The following AHCTF1 variants were observed in gnomAD, a reference collection of about 807,000 sequenced individuals.
AHCTF1 encodes AT-hook containing transcription factor 1.
In AHCTF1, 24 loss-of-function variants were observed where a neutral mutation model predicts 248.4. That is an observed-to-expected ratio of 0.10 (90% CI 0.07 to 0.14). The LOEUF is 0.14. AHCTF1 is among the 10% of genes least tolerant of loss of function. The pLI, the probability that AHCTF1 is intolerant of heterozygous loss-of-function variation, is 1.00. For missense variants in AHCTF1, 2,206 were observed against 2,636.2 expected, an observed-to-expected ratio of 0.84 and a Z score of 3.57; for synonymous variants, 786 against 929.8, an observed-to-expected ratio of 0.85 and a Z score of 2.81.
intron 29 of AHCTF1, among the ~76,000 whole-genome samples, chr1:246,859,329 T>A (rs1661348714): frequency 6.6e-6 from 1 of 152,126 alleles, no homozygotes; most frequent in African/African-American, 2.4e-5. Flanking sequence ...TAGGTTCAGT[T>A]TTCTGACCCA....
intron 13 of AHCTF1, 60 bp from the exon 14 acceptor site, chr1:246,894,808 A>G: frequency 6.9e-7 from 1 of 1,445,568 alleles, no homozygotes; most frequent in Non-Finnish European, 9.6e-7. Flanking sequence ...AGAGTTCTAA[A>G]TTGTTGGTGG....
chr1:246,858,226 T>C (rs1427331957), intron 29 of AHCTF1, among the ~76,000 whole-genome samples: 1 of 152,156 alleles, frequency 6.6e-6, no homozygotes, highest in Non-Finnish European at 1.5e-5. Context: ...CCCAAAGTGC[T>C]GGGATTACAG....
chr1:246,858,254 C>T (rs997657462), intron 29 of AHCTF1, among the ~76,000 whole-genome samples: 4 of 152,070 alleles, frequency 2.6e-5, no homozygotes, highest in African/African-American at 7.2e-5. Flanking sequence ...CCACTGCACC[C>T]GGCCAACACC....
chr1:246,931,742 C>T lies in AHCTF1; in HGVS notation c.-172G>A, dbSNP rs973361850. 11 of 152,982 alleles carry T rather than the reference C, an allele frequency of 7.2e-5. No homozygotes were observed. The highest frequency in any genetic ancestry group is 2.4e-4 in the African/African-American group (10 of 41,450). 9.5% of individuals were successfully genotyped at this position (152,982 alleles called of 1,614,324 possible). A position where few individuals can be genotyped will look rare whatever the true frequency, so the allele number is the denominator to read the frequency against. On this transcript the variant is annotated 5_prime_UTR_variant, in exon 1 of 36. Transcript: ENST00000648844. ...CCGGCTGAAGCCGCTCCTCTGCGCTCCGGCCGCCGCCTGCGACCTCCCCGG... is the reference window on the plus strand; with the variant it reads ...CCGGCTGAAGCCGCTCCTCTGCGCTTCGGCCGCCGCCTGCGACCTCCCCGG...
chr1:246,931,300 C>G, intron 1 of AHCTF1: 1 of 1,547,500 alleles, frequency 6.5e-7, no homozygotes, highest in Non-Finnish European at 8.7e-7. Context: ...GCGCAGGACG[C>G]GAACCACCAG....
Position 246,903,656 on chromosome 1 carries a change from C to G in AHCTF1, c.966+293G>C, listed in dbSNP as rs866920702. 1.9e-3 allele frequency among the ~76,000 whole-genome samples: 214 copies of G among 115,156 alleles called. 15 individuals carry two copies. The highest frequency in any genetic ancestry group is 7.2e-3 in the African/African-American group (206 of 28,520). 75.5% of individuals were successfully genotyped at this position (115,156 alleles called of 152,430 possible). ...CAGCCTGGCCAAGATGGTGAGACCC[C>G]CCCCCCTCCGTCTCTGCTAAATATA... On this transcript the variant is annotated intron_variant, in intron 7 of 35. Transcript: ENST00000648844.
intron 6 of AHCTF1, 57 bp downstream of exon 6, chr1:246,905,484 G>T: frequency 7.2e-7 from 1 of 1,390,430 alleles, no homozygotes; most frequent in South Asian, 1.2e-5. Flanking sequence ...ACAACAGAGC[G>T]AGACTCTGTC....
intron 4 of AHCTF1, among the ~76,000 whole-genome samples, chr1:246,909,900 CT>C (rs1337013366): frequency 1.1e-4 from 16 of 152,176 alleles, no homozygotes; most frequent in Admixed American, 2.0e-4. Context: ...TCAAAAATGT[CT>C]TCTAACATTG....
At chr1:246,921,173 G>A (rs955578772) in intron 1 of AHCTF1, among the ~76,000 whole-genome samples, 4 of 151,982 alleles carry the variant, frequency 2.6e-5, no homozygotes, top group African/African-American at 4.8e-5. Flanking sequence ...AAAAAGACAC[G>A]CAGAACTAAG....
chr1:246,880,957 G>A (rs564800869), intron 21 of AHCTF1, among the ~76,000 whole-genome samples: 5 of 152,264 alleles, frequency 3.3e-5, no homozygotes, highest in Admixed American at 2.6e-4. Flanking sequence ...GGAATGCATG[G>A]GGGTTCTTGG....
intron 13 of AHCTF1, 103 bp downstream of exon 13, chr1:246,895,732 C>G: frequency 2.1e-6 from 2 of 967,040 alleles, no homozygotes; most frequent in Non-Finnish European, 3.1e-6. Context: ...GCATGTGGAT[C>G]TTCAATTATA....
chr1:246,920,781 A>G (rs1196836664), intron 1 of AHCTF1, among the ~76,000 whole-genome samples: 1 of 151,352 alleles, frequency 6.6e-6, no homozygotes, highest in Non-Finnish European at 1.5e-5. Flanking sequence ...AAAAAAAAAA[A>G]AAAATTATTA....
At chr1:246,859,174 T>C (rs1661336938) in intron 29 of AHCTF1, among the ~76,000 whole-genome samples, 2 of 152,218 alleles carry the variant, frequency 1.3e-5, no homozygotes, top group Non-Finnish European at 2.9e-5. Flanking sequence ...AGTAAAGATA[T>C]CGTAGTCCAA....
intron 27 of AHCTF1, among the ~76,000 whole-genome samples, chr1:246,862,381 G>A (rs1315750487): frequency 6.6e-6 from 1 of 152,016 alleles, no homozygotes; most frequent in Non-Finnish European, 1.5e-5. Flanking sequence ...TTGGGAGGCT[G>A]AGGCAGGAGA....
intron 13 of AHCTF1, 139 bp downstream of exon 13, chr1:246,895,696 G>GATC: frequency 1.5e-6 from 1 of 661,928 alleles, no homozygotes; most frequent in Non-Finnish European, 2.5e-6. Context: ...AAGGGGGTGG[G>GATC]ATCTCTCTAT....
Position 246,888,233 on chromosome 1 carries a change from C to T in AHCTF1, c.2269G>A (p.Ala757Thr). 6.2e-7 allele frequency: 1 copy of T among 1,613,988 alleles called. No individual in the cohort carries two copies. Among genetic ancestry groups the T allele is most frequent in the Non-Finnish European group, 8.5e-7 (1 of 1,179,942 alleles). ...TCTAATAGGTACATATCAAGTACTG[C>T]CTATAAAACAAAGGGATAAAACCTT... is the stretch of plus-strand genomic sequence containing the variant. Reference protein sequence around the residue: ...TGKYPPASLHAVLDMYLLDGV... With the variant: ...TGKYPPASLHTVLDMYLLDGV... The change falls in exon 19 of 36, where the codon GCA (alanine) becomes ACA (threonine). Residue 757 changes from alanine (A) to threonine (T), a missense_variant and splice_region_variant. By Grantham distance (58) the Ala-to-Thr change is moderately conservative (BLOSUM62 0). Around this residue, in one of 6 missense-constraint regions of AHCTF1, gnomAD observed 650 missense variants for 870.8 expected, o/e 0.75. Transcript: ENST00000648844.
intron 6 of AHCTF1, 69 bp downstream of exon 6, chr1:246,905,471 TG>T: frequency 7.7e-7 from 1 of 1,296,672 alleles, no homozygotes; most frequent in African/African-American, 1.5e-5. Context: ...CACTCCAGCC[TG>T]GACAACAGAG....
At position 246,885,473 on chromosome 1, in the gene AHCTF1, G is replaced by A; in HGVS notation, c.2660+20C>T. The A allele has an allele frequency of 6.4e-7, 1 of 1,562,156 alleles. No individual in the cohort carries two copies. The highest frequency in any genetic ancestry group is 2.3e-4 in the Middle Eastern group (1 of 4,258). On this transcript the variant is annotated intron_variant, in intron 21 of 35. Coordinates refer to ENST00000648844, the MANE Select transcript of AHCTF1 (RefSeq NM_001323342.2). ...TAACAGATACGATAAAGACTTTATA[G>A]TTTCAAAAGATGTACTTACCTATTA...
chr1:246,917,103 A>C (rs560754349), intron 2 of AHCTF1, among the ~76,000 whole-genome samples: 1 of 152,298 alleles, frequency 6.6e-6, no homozygotes, highest in Admixed American at 6.5e-5. Context: ...CATGTTTTTA[A>C]ATGTTACTCC....
Sources: allele counts gnomAD v4.1 joint callset (sites outside exome capture counted in the v4.1 genomes callset), GRCh38; gene constraint gnomAD v4.1.1; regional missense constraint gnomAD v4.1.1; transcripts MANE v1.5; gene names NCBI Gene and HGNC (gene_info 2026-07-23, HGNC 2026-07-21).